Variants in PSORS1C1 observed in about 807,000 individuals in gnomAD.
PSORS1C1 encodes psoriasis susceptibility 1 candidate 1.
Under a neutral mutation model 9.4 loss-of-function variants are expected in PSORS1C1, and 7 were observed. That is an observed-to-expected ratio of 0.75 (90% CI 0.42 to 1.40). The LOEUF is 1.40. Ranked by LOEUF, PSORS1C1 falls within the 40% of genes most tolerant of loss-of-function variation. The probability of loss-of-function intolerance (pLI) is 0.01; values close to 1 mark genes in which losing one functional copy is unlikely to be tolerated. For missense variants in PSORS1C1, 146 were observed against 178.1 expected (o/e 0.82, Z 1.02); for synonymous variants, 63 against 69.4 (o/e 0.91, Z 0.46).
intron 1 of PSORS1C1, among the ~76,000 whole-genome samples, chr6:31,120,032 C>T (rs3130992): frequency 1.3e-5 from 2 of 151,894 alleles, no homozygotes; most frequent in Admixed American, 6.5e-5. Flanking sequence ...TCTTGTAGTG[C>T]TCCCATAATA....
rs150632157 is a variant in PSORS1C1 at position 31,114,998 on chromosome 6, G to A, written c.-229+107G>A. 1.5e-3 allele frequency: 626 copies of A among 421,634 alleles called. 6 individuals carry two copies. Among genetic ancestry groups the A allele is most frequent in the African/African-American group, 0.012 (572 of 48,910 alleles). 26.1% of individuals were successfully genotyped at this position (421,634 alleles called of 1,614,324 possible). ...TAAATAAGGGGAAGGGGGACCCCAC[G>A]GTGAATGAGGAATGGGAAGAGAATG... On this transcript the variant is annotated intron_variant, in intron 1 of 5. Transcript: ENST00000259881.
At chr6:31,130,176 T>G (rs1419466750) in intron 3 of PSORS1C1, among the ~76,000 whole-genome samples, 1 of 151,966 alleles carries the variant, frequency 6.6e-6, no homozygotes, top group Non-Finnish European at 1.5e-5. Context: ...GTTTGAGGGG[T>G]CCAGACCTCC....
chr6:31,121,170 G>T (rs979291162), intron 1 of PSORS1C1, among the ~76,000 whole-genome samples: 25 of 138,120 alleles, frequency 1.8e-4, no homozygotes, highest in African/African-American at 7.1e-4. Context: ...ATGGTGGCGG[G>T]GGTGGGGGGG....
chr6:31,116,299 G>A (rs1302983653), intron 1 of PSORS1C1: 16 of 1,614,000 alleles, frequency 9.9e-6, no homozygotes, highest in East Asian at 2.2e-5. Flanking sequence ...TTTGCCACTG[G>A]ATTGGGAACT....
At chr6:31,132,545 T>G (rs901000664) in intron 3 of PSORS1C1, among the ~76,000 whole-genome samples, 1 of 150,242 alleles carries the variant, frequency 6.7e-6, no homozygotes, top group East Asian at 2.0e-4. Context: ...AATAAATAAA[T>G]AAATAAATAA....
chr6:31,134,342 G>A (rs907927510), intron 3 of PSORS1C1, among the ~76,000 whole-genome samples: 3 of 150,638 alleles, frequency 2.0e-5, no homozygotes, highest in Non-Finnish European at 3.0e-5. Flanking sequence ...TCGCTCTGTC[G>A]CCCAGGCTGG....
chr6:31,130,141 T>C (rs6929464), intron 3 of PSORS1C1, among the ~76,000 whole-genome samples: 18,557 of 128,330 alleles, frequency 0.14, 1,278 homozygotes, highest in Middle Eastern at 0.28. Context: ...TCCTAACTAA[T>C]TCCACGTTAT....
chr6:31,126,449 C>T (rs1268991976), intron 2 of PSORS1C1, among the ~76,000 whole-genome samples: 1 of 152,146 alleles, frequency 6.6e-6, no homozygotes, highest in Admixed American at 6.5e-5. Context: ...GGGGCCTGTC[C>T]ACACCATCCT....
chr6:31,138,897 G>A (rs752333609), intron 5 of PSORS1C1, 118 bp downstream of exon 5: 54 of 1,598,154 alleles, frequency 3.4e-5, no homozygotes, highest in Admixed American at 1.0e-4. Flanking sequence ...AACCCCATGC[G>A]TCCAGTTCAC....
intron 3 of PSORS1C1, chr6:31,137,875 T>G: frequency 1.5e-6 from 1 of 648,290 alleles, no homozygotes; most frequent in Non-Finnish European, 2.5e-6. Context: ...TTGGGAAGAA[T>G]TCACGGGGAA....
chr6:31,132,048 C>T (rs1185400655), intron 3 of PSORS1C1, among the ~76,000 whole-genome samples: 1 of 152,052 alleles, frequency 6.6e-6, no homozygotes, highest in African/African-American at 2.4e-5. Flanking sequence ...GAGTTTGAGA[C>T]CAGGTTGGGC....
intron 1 of PSORS1C1, among the ~76,000 whole-genome samples, chr6:31,119,979 G>T (rs1201996524): frequency 6.6e-6 from 1 of 151,958 alleles, no homozygotes; most frequent in Non-Finnish European, 1.5e-5. Flanking sequence ...CATATAAAAA[G>T]GCTCTAAAAA....
At chr6:31,137,153 A>G (rs1354646262) in intron 3 of PSORS1C1, among the ~76,000 whole-genome samples, 1 of 123,646 alleles carries the variant, frequency 8.1e-6, no homozygotes, top group East Asian at 2.1e-4. Context: ...TCTAAAAAAA[A>G]AAGAAAGAAA....
At chr6:31,116,757 G>A in intron 1 of PSORS1C1, 9 of 1,613,182 alleles carry the variant, frequency 5.6e-6, no homozygotes, top group Non-Finnish European at 7.6e-6. Flanking sequence ...CTACAGAGGT[G>A]ATTGGGGGAC....
chr6:31,116,038 A>C, intron 1 of PSORS1C1: 1 of 1,611,772 alleles, frequency 6.2e-7, no homozygotes, highest in African/African-American at 1.3e-5. Flanking sequence ...TGGACTGTTG[A>C]GTAACTCTCC....
At chr6:31,118,843 C>CTTCTTTTTT (rs750733706) in intron 1 of PSORS1C1, 5 of 120,768 alleles carry the variant, frequency 4.1e-5, no homozygotes, top group African/African-American at 1.6e-4. Context: ...TCTTCTTCTT[C>CTTCTTTTTT]TTTTTTTTTT....
At position 31,128,136 on chromosome 6, in the gene PSORS1C1, C is replaced by T. The variant is rs749482259; in HGVS notation, c.-64-1433C>T. On this transcript the variant is annotated intron_variant, in intron 2 of 5. Transcript: ENST00000259881. This position sits in a 1 kb window ranked among gnomAD's most constrained non-coding sequence, Gnocchi z 4.3. ...GAGGGCTTCAGAGCCTGTCTCGCCT[C>T]GCCTCACATGCCTGGCTCACCTTAG... 2.6e-5 allele frequency among the ~76,000 whole-genome samples: 4 copies of T among 152,222 alleles called. No individual in the cohort carries two copies. The highest frequency in any genetic ancestry group is 4.4e-5 in the Non-Finnish European group (3 of 68,042).
intron 3 of PSORS1C1, among the ~76,000 whole-genome samples, chr6:31,131,378 G>A (rs1772904761): frequency 1.3e-5 from 2 of 152,018 alleles, no homozygotes; most frequent in South Asian, 4.1e-4. Context: ...TGGATCACGA[G>A]GTCGGGAGTT....
intron 2 of PSORS1C1, among the ~76,000 whole-genome samples, 179 bp from the exon 3 acceptor site, chr6:31,129,390 C>A (rs1772811954): frequency 6.6e-6 from 1 of 152,172 alleles, no homozygotes; most frequent in Non-Finnish European, 1.5e-5. Flanking sequence ...GATAAGCCAG[C>A]ACAATGGGTT....
Sources: allele counts gnomAD v4.1 joint callset (sites outside exome capture counted in the v4.1 genomes callset), GRCh38; gene constraint gnomAD v4.1.1; non-coding constraint Gnocchi (gnomAD v3.1); transcripts MANE v1.5; gene names NCBI Gene and HGNC (gene_info 2026-07-23, HGNC 2026-07-21).